The following TENT2 variants were observed in gnomAD, a reference collection of about 807,000 sequenced individuals.
TENT2 encodes poly(A) RNA polymerase GLD2.
Under a neutral mutation model 72.2 loss-of-function variants are expected in TENT2, and 44 were observed. That is an observed-to-expected ratio of 0.61 (90% CI 0.48 to 0.78). TENT2 has a LOEUF of 0.78. TENT2 is among the 30% of genes least tolerant of loss of function. The probability of loss-of-function intolerance (pLI) is 0.00; values close to 1 mark genes in which losing one functional copy is unlikely to be tolerated. For synonymous variants in TENT2, 212 were observed against 192.5 expected (o/e 1.10, Z -0.84); for missense variants, 541 against 569.6 (o/e 0.95, Z 0.51).
chr5:79,645,499 A>G (rs1028939842), intron 8 of TENT2, among the ~76,000 whole-genome samples: 5 of 152,168 alleles, frequency 3.3e-5, no homozygotes, highest in African/African-American at 7.2e-5. Flanking sequence ...TCTGAAGAAT[A>G]TAATTAATGA....
intron 12 of TENT2, among the ~76,000 whole-genome samples, chr5:79,675,196 T>TA (rs1816280126): frequency 6.6e-6 from 1 of 152,168 alleles, no homozygotes; most frequent in Non-Finnish European, 1.5e-5. Flanking sequence ...CAGAGAAAGG[T>TA]ATAGTAAATT....
rs1580432914 is a variant in TENT2 at position 79,649,189 on chromosome 5, A to G, written c.1026A>G (p.Gln342=). The change falls in exon 10 of 15, where the codon CAA becomes CAG. Residue 342 remains glutamine, a splice_region_variant and synonymous_variant. Transcript: ENST00000453514. ...SLVLMVLHYL[Q]TLPEPILPSL... ...TATTGATGGTTTTGCACTATTTACA[A>G]AGTAAGTATAATGGGGTTTTACCCA... is the stretch of plus-strand genomic sequence containing the variant. 6.2e-7 allele frequency: 1 copy of G among 1,612,170 alleles called. No homozygotes were observed. The highest frequency in any genetic ancestry group is 8.5e-7 in the Non-Finnish European group (1 of 1,178,866).
intron 4 of TENT2, among the ~76,000 whole-genome samples, chr5:79,634,062 G>A (rs933214085): frequency 6.7e-6 from 1 of 149,882 alleles, no homozygotes; most frequent in African/African-American, 2.4e-5. Context: ...CCAGCTACTC[G>A]GGAGAATGGC....
intron 4 of TENT2, among the ~76,000 whole-genome samples, chr5:79,639,477 G>GTT (rs368927693): frequency 0.14 from 20,755 of 145,176 alleles, 1,974 homozygotes; most frequent in African/African-American, 0.28. Flanking sequence ...AGTGAAGGTG[G>GTT]TTTTTTTTTT....
At chr5:79,667,353 A>G (rs773157171) in intron 11 of TENT2, among the ~76,000 whole-genome samples, 54 of 152,210 alleles carry the variant, frequency 3.5e-4, no homozygotes, top group Non-Finnish European at 7.2e-4. Flanking sequence ...GATTTGCCAG[A>G]AAATAACATT....
intron 1 of TENT2, among the ~76,000 whole-genome samples, chr5:79,616,548 G>T (rs886985945): frequency 1.3e-5 from 2 of 152,068 alleles, no homozygotes; most frequent in East Asian, 3.9e-4. Flanking sequence ...TAACTCCTGG[G>T]CTCAAACAAT....
chr5:79,627,318 C>G (rs1469456182), intron 4 of TENT2, among the ~76,000 whole-genome samples: 1 of 151,996 alleles, frequency 6.6e-6, no homozygotes, highest in Non-Finnish European at 1.5e-5. Flanking sequence ...TTTTCAATTT[C>G]AGTAAATTTA....
Position 79,660,808 on chromosome 5 carries a change from AAGAGGTATTCCAGAAGAAGACATTGTTAT to A in TENT2, c.1071+3809_1071+3837del, listed in dbSNP as rs534569106. The stretch of plus-strand genomic sequence containing the variant: ...TATAAAATGGCCTGATAGGTCCTTC[AAGAGGTATTCCAGAAGAAGACATTGTTAT>A]ATGAAATGACAGCTCCATGCATGAT... On this transcript the variant is annotated intron_variant, in intron 11 of 14. Coordinates refer to ENST00000453514, the MANE Select transcript of TENT2 (RefSeq NM_001114394.3). 9.2e-5 allele frequency among the ~76,000 whole-genome samples: 14 copies of A among 152,280 alleles called. No individual in the cohort carries two copies. In the South Asian group the frequency reaches 2.9e-3, roughly 32 times the overall value.
At chr5:79,631,044 A>G (rs1334987593) in intron 4 of TENT2, among the ~76,000 whole-genome samples, 1 of 152,122 alleles carries the variant, frequency 6.6e-6, no homozygotes, top group Non-Finnish European at 1.5e-5. Context: ...ACATTTGATG[A>G]TATATTAGAT....
Position 79,641,154 on chromosome 5 carries a change from G to A in TENT2, c.630G>A (p.Arg210=), listed in dbSNP as rs373046925. The A allele has an allele frequency of 6.3e-7, 1 of 1,579,018 alleles. No homozygotes were observed. Among genetic ancestry groups the A allele is most frequent in the East Asian group, 2.3e-5 (1 of 43,804 alleles). ...VGSSLNGFGT[R]SSDGDLCLVV... is the part of the protein sequence containing the mutation. The stretch of plus-strand genomic sequence containing the variant: ...CCTCTTTAAATGGATTTGGTACCCG[G>A]AGCAGTGATGGTGATTTATGCCTAG... Residue 210 remains arginine (R), a synonymous_variant, in exon 6 of 15, where the codon CGG becomes CGA. Coordinates refer to ENST00000453514, the MANE Select transcript of TENT2 (RefSeq NM_001114394.3).
intron 11 of TENT2, among the ~76,000 whole-genome samples, chr5:79,658,816 C>G (rs1465322597): frequency 6.6e-6 from 1 of 151,992 alleles, no homozygotes; most frequent in Non-Finnish European, 1.5e-5. Flanking sequence ...TACTCAGATT[C>G]TTACTGACGG....
intron 4 of TENT2, among the ~76,000 whole-genome samples, chr5:79,630,849 T>G (rs1289735308): frequency 2.7e-5 from 4 of 149,368 alleles, no homozygotes; most frequent in African/African-American, 1.0e-4. Flanking sequence ...AGGGGACAGA[T>G]GAGTTAAAAA....
At position 79,626,396 on chromosome 5, in the gene TENT2, C is replaced by T. The variant is rs567639907; in HGVS notation, c.465+2907C>T. Among the ~76,000 whole-genome samples the T allele has an allele frequency of 7.9e-5, 12 of 151,620 alleles. No homozygotes were observed. In the East Asian group the frequency reaches 2.2e-3, roughly 27 times the overall value. On this transcript the variant is annotated intron_variant, in intron 4 of 14. Coordinates refer to ENST00000453514, the MANE Select transcript of TENT2 (RefSeq NM_001114394.3). ...GAACTCGGCTCACTGCAAGCTCTGCCTCCTGTGTTCGCGCTATTCTCCTGC... is the reference window on the plus strand; with the variant it reads ...GAACTCGGCTCACTGCAAGCTCTGCTTCCTGTGTTCGCGCTATTCTCCTGC...
In TENT2 at chr5:79,641,187, G is replaced by A. The variant is rs1390863604; in HGVS notation, c.663G>A (p.Lys221=). ...ATGGTGATTTATGCCTAGTTGTTAA[G>A]GAAGAACCAGTAAGTAAGGAAACAT... ...SSDGDLCLVV[K]EEPCFFQVNQ... The change falls in exon 6 of 15, where the codon AAG becomes AAA. Residue 221 remains lysine, a synonymous_variant. Transcript: ENST00000453514. The A allele has an allele frequency of 6.4e-7, 1 of 1,561,634 alleles. No individual in the cohort carries two copies. The highest frequency in any genetic ancestry group is 8.6e-7 in the Non-Finnish European group (1 of 1,162,312).
rs1000162974 is a variant in TENT2 at position 79,612,967 on chromosome 5, A to C, written c.-146A>C. 12 of 152,168 alleles carry C rather than the reference A, an allele frequency of 7.9e-5. No individual in the cohort carries two copies. Among genetic ancestry groups the C allele is most frequent in the Admixed American group, 2.0e-4 (3 of 15,272 alleles). The allele number at this position is 152,168 out of a possible 1,614,324, so 9.4% of individuals were successfully genotyped here. ...AATCTTAGGACCGCTTACTTTGCTT[A>C]CTCGTTTTCTATTCCTCGCGTACTG... On this transcript the variant is annotated 5_prime_UTR_variant, in exon 1 of 15. Coordinates refer to ENST00000453514, the MANE Select transcript of TENT2 (RefSeq NM_001114394.3).
At chr5:79,659,095 A>G (rs1490503338) in intron 11 of TENT2, among the ~76,000 whole-genome samples, 4 of 152,044 alleles carry the variant, frequency 2.6e-5, no homozygotes, top group Non-Finnish European at 4.4e-5. Flanking sequence ...TACCTTTACT[A>G]TAAGATTTTT....
chr5:79,685,332 A>G lies in TENT2; in HGVS notation c.*59A>G. Reference sequence around the variant, plus strand: ...AATAAAGAACAATAGTTTCATCATAATACATTATGTTTACCTCCATCATAG... The same window carrying G: ...AATAAAGAACAATAGTTTCATCATAGTACATTATGTTTACCTCCATCATAG... On this transcript the variant is annotated 3_prime_UTR_variant, in exon 15 of 15. Coordinates refer to ENST00000453514, the MANE Select transcript of TENT2 (RefSeq NM_001114394.3). 1 of 1,273,988 alleles carries G rather than the reference A, an allele frequency of 7.8e-7. No homozygotes were observed. Among genetic ancestry groups the G allele is most frequent in the South Asian group, 1.4e-5 (1 of 73,616 alleles). The allele number at this position is 1,273,988 out of a possible 1,614,324, so 78.9% of individuals were successfully genotyped here. A position where few individuals can be genotyped will look rare whatever the true frequency, so the allele number is the denominator to read the frequency against.
intron 11 of TENT2, among the ~76,000 whole-genome samples, chr5:79,664,580 GTCTCACTCTGTCTCA>G (rs1236418530): frequency 1.4e-5 from 2 of 140,784 alleles, no homozygotes; most frequent in African/African-American, 5.5e-5. Flanking sequence ...GGGTGACAGA[GTCTCACTCTGTCTCA>G]AAAAAAAAAA....
intron 13 of TENT2, among the ~76,000 whole-genome samples, chr5:79,680,532 A>T (rs985405388): frequency 2.0e-5 from 3 of 152,226 alleles, no homozygotes; most frequent in Non-Finnish European, 2.9e-5. Flanking sequence ...CTTTCTAAGC[A>T]CTAAAAAATA....
Sources: allele counts gnomAD v4.1 joint callset (sites outside exome capture counted in the v4.1 genomes callset), GRCh38; gene constraint gnomAD v4.1.1; transcripts MANE v1.5; gene names NCBI Gene and HGNC (gene_info 2026-07-23, HGNC 2026-07-21).